The following IL13RA1 variants were observed in gnomAD, a reference collection of about 807,000 sequenced individuals.
IL13RA1 encodes the protein interleukin-13 receptor subunit alpha-1.
Under a neutral mutation model 33.8 loss-of-function variants are expected in IL13RA1, and 14 were observed. That is an observed-to-expected ratio of 0.41 (90% CI 0.27 to 0.65). The LOEUF is 0.65. IL13RA1 is among the 30% of genes least tolerant of loss of function. IL13RA1 has a pLI of 0.28. For synonymous variants in IL13RA1, 116 were observed against 115.7 expected (o/e 1.00, Z -0.02); for missense variants, 313 against 327.0 (o/e 0.96, Z 0.33).
rs2017256941 is a variant in IL13RA1 at position 118,734,315 on chromosome X, T to C, written c.88+6589T>C. Among the ~76,000 whole-genome samples the C allele has an allele frequency of 3.6e-5, 4 of 112,092 alleles. No homozygotes were observed. The Admixed American group carries it at 3.8e-4, about 11-fold the overall frequency. On this transcript the variant is annotated intron_variant, in intron 1 of 10. Coordinates refer to ENST00000371666, the MANE Select transcript of IL13RA1 (RefSeq NM_001560.3). Reference sequence around the variant, plus strand: ...CATCTTATTTTAACTGGATGTCTTTTATCTCTTTTTCTTGCCTAATTGCTC... The same window carrying C: ...CATCTTATTTTAACTGGATGTCTTTCATCTCTTTTTCTTGCCTAATTGCTC...
intron 2 of IL13RA1, among the ~76,000 whole-genome samples, chrX:118,745,375 A>T (rs2017391688): frequency 9.0e-6 from 1 of 110,900 alleles, no homozygotes; most frequent in Non-Finnish European, 1.9e-5. Context: ...TTCCTGTATC[A>T]CCCTCTTTTT....
chrX:118,748,839 G>C, intron 3 of IL13RA1, among the ~76,000 whole-genome samples: 1 of 111,343 alleles, frequency 9.0e-6, no homozygotes, highest in Admixed American at 9.6e-5. Flanking sequence ...GGCTCTTAAA[G>C]TCATGACACT....
At chrX:118,750,594 T>G (rs1446904306) in intron 4 of IL13RA1, among the ~76,000 whole-genome samples, 2 of 111,316 alleles carry the variant, frequency 1.8e-5, no homozygotes, top group Non-Finnish European at 3.8e-5. Context: ...ATACAGATTT[T>G]TATATGAACA....
At chrX:118,777,428 C>G (rs1393469408) in intron 10 of IL13RA1, among the ~76,000 whole-genome samples, 2 of 111,723 alleles carry the variant, frequency 1.8e-5, no homozygotes, top group Admixed American at 1.9e-4. Flanking sequence ...AAAAAGTCTT[C>G]AGAATACTTT....
chrX:118,753,767 G>A (rs989851423), intron 4 of IL13RA1, among the ~76,000 whole-genome samples: 39 of 112,206 alleles, frequency 3.5e-4, no homozygotes, highest in Non-Finnish European at 3.6e-4. Context: ...GCTCAAGCCC[G>A]TCTCGGCCTC....
intron 4 of IL13RA1, 134 bp downstream of exon 4, chrX:118,749,912 T>C: frequency 2.3e-6 from 1 of 437,448 alleles, no homozygotes; most frequent in South Asian, 4.7e-5. Flanking sequence ...TTTGCTTCAA[T>C]GAAAAATGCA....
intron 8 of IL13RA1, among the ~76,000 whole-genome samples, chrX:118,772,650 A>G (rs111611071): frequency 7.8e-4 from 88 of 112,409 alleles, no homozygotes; most frequent in African/African-American, 2.5e-3. Flanking sequence ...GCAAACAGTT[A>G]TTTGGTATTT....
chrX:118,798,288 ATT>A (rs377726465), downstream of IL13RA1, among the ~76,000 whole-genome samples: 1 of 104,854 alleles, frequency 9.5e-6, no homozygotes, highest in African/African-American at 3.6e-5. Flanking sequence ...CATTAATTAT[ATT>A]TTTTTGTTTT....
rs759420006 is a variant in IL13RA1, at chrX:118,791,742, G to GT, written c.1192-13dup. On this transcript the variant is annotated intron_variant, in intron 10 of 10. Coordinates refer to ENST00000371666, the MANE Select transcript of IL13RA1 (RefSeq NM_001560.3). ...TGTTTAGATATGTCATTGTGTATGTGTTTTTTTCCTCCCTTCTAGCACTGG... is the reference window on the plus strand; with the variant it reads ...TGTTTAGATATGTCATTGTGTATGTGTTTTTTTTCCTCCCTTCTAGCACTGG... 9 of 686,510 alleles carry GT rather than the reference G, an allele frequency of 1.3e-5. No homozygotes were observed. Among genetic ancestry groups the GT allele is most frequent in the African/African-American group, 6.6e-5 (3 of 45,315 alleles). The allele number at this position is 686,510 out of a possible 1,213,427, so 56.6% of individuals were successfully genotyped here.
At chrX:118,784,800 G>A (rs2489878) in intron 10 of IL13RA1, among the ~76,000 whole-genome samples, 5 of 110,834 alleles carry the variant, frequency 4.5e-5, no homozygotes, top group Non-Finnish European at 9.4e-5. Context: ...TAGGTCCTGC[G>A]TTGCGTATCT....
At chrX:118,741,617 G>A (rs2017345087) in intron 2 of IL13RA1, among the ~76,000 whole-genome samples, 1 of 111,852 alleles carries the variant, frequency 8.9e-6, no homozygotes, top group Non-Finnish European at 1.9e-5. Flanking sequence ...TCAGTGGCAG[G>A]TGTGTTTGAG....
chrX:118,795,211 C>CAAAAAAAAAAAAAAAAAAAAAAAA (rs1222782237), downstream of IL13RA1, among the ~76,000 whole-genome samples: 3 of 26,986 alleles, frequency 1.1e-4, no homozygotes, highest in Admixed American at 4.6e-4. Context: ...GACTCCGTCT[C>CAAAAAAAAAAAAAAAAAAAAAAAA]AAAAAAAAAA....
chrX:118,804,459 C>T, the IL13RA1 span, among the ~76,000 whole-genome samples: 10 of 108,400 alleles, frequency 9.2e-5, no homozygotes, highest in Admixed American at 4.0e-4. Context: ...AATATGTCTA[C>T]GGAATGTTTT....
downstream of IL13RA1, among the ~76,000 whole-genome samples, chrX:118,795,063 A>C (rs1423457138): frequency 9.1e-6 from 1 of 109,380 alleles, no homozygotes; most frequent in Non-Finnish European, 1.9e-5. Flanking sequence ...TGTACTAAAA[A>C]TACAAAAAAA....
intron 10 of IL13RA1, among the ~76,000 whole-genome samples, chrX:118,790,333 T>C (rs1008429527): frequency 8.9e-6 from 1 of 112,739 alleles, no homozygotes; most frequent in Admixed American, 9.4e-5. Flanking sequence ...CTTTTATTGC[T>C]GAGCAGTATT....
chrX:118,771,921 C>G (rs765523652), intron 8 of IL13RA1, among the ~76,000 whole-genome samples: 1 of 111,447 alleles, frequency 9.0e-6, no homozygotes, highest in African/African-American at 3.3e-5. Context: ...TGCATTGAGT[C>G]GAGATCGTGC....
At chrX:118,728,687 G>T (rs763500555) in intron 1 of IL13RA1, among the ~76,000 whole-genome samples, 2 of 112,240 alleles carry the variant, frequency 1.8e-5, no homozygotes, top group African/African-American at 6.5e-5. Flanking sequence ...AAGTTGAAAT[G>T]TTGATTAGGA....
chrX:118,729,487 T>C (rs996160273), intron 1 of IL13RA1, among the ~76,000 whole-genome samples: 11 of 111,923 alleles, frequency 9.8e-5, no homozygotes, highest in African/African-American at 3.6e-4. Context: ...TCTTTTGTGC[T>C]GCAGTTAGTT....
At chrX:118,757,678 CTTTTTTTT>C (rs765835021) in intron 4 of IL13RA1, among the ~76,000 whole-genome samples, 105 of 58,319 alleles carry the variant, frequency 1.8e-3, no homozygotes, top group African/African-American at 7.3e-3. Context: ...AGAATTCTGC[CTTTTTTTT>C]TTTTTTTTTT....
Sources: gnomAD v4.1 joint callset for allele counts (sites outside exome capture counted in the v4.1 genomes callset) on GRCh38, gnomAD v4.1.1 for gene constraint, MANE v1.5 for transcripts, NCBI Gene and HGNC (gene_info 2026-07-23, HGNC 2026-07-21) for gene names.